The following DEPDC1B variants were observed in gnomAD, a reference collection of about 807,000 sequenced individuals.
The protein encoded by DEPDC1B is DEP domain containing 1B, also known as DEP domain-containing protein 1B.
Under a neutral mutation model 66.5 loss-of-function variants are expected in DEPDC1B, and 51 were observed. That is an observed-to-expected ratio of 0.77 (90% CI 0.61 to 0.97). The LOEUF (loss-of-function observed/expected upper bound fraction) is 0.97. Among genes scored for constraint, DEPDC1B ranks in the 50% least tolerant of loss-of-function variants. The pLI is 0.00. For missense variants in DEPDC1B, 552 were observed against 637.1 expected (o/e 0.87, Z 1.44); for synonymous variants, 226 against 223.6 (o/e 1.01, Z -0.10).
In DEPDC1B at chr5:60,603,365, A is replaced by G. The variant is rs772147818; in HGVS notation, c.1242+26T>C. ...CGTGACTTTATATTGCCAATTTCATAGAACTGATAATATCCTCTCCTTTAC... is the reference window on the plus strand; with the variant it reads ...CGTGACTTTATATTGCCAATTTCATGGAACTGATAATATCCTCTCCTTTAC... On this transcript the variant is annotated intron_variant, in intron 9 of 10. Coordinates refer to ENST00000265036, the MANE Select transcript of DEPDC1B (RefSeq NM_018369.3). 34 of 1,495,366 alleles carry G rather than the reference A, an allele frequency of 2.3e-5. No homozygotes were observed. The East Asian group carries it at 8.1e-4, about 36-fold the overall frequency. The allele number at this position is 1,495,366 out of a possible 1,614,324, so 92.6% of individuals were successfully genotyped here.
chr5:60,625,337 T>C (rs1183975790), intron 7 of DEPDC1B, among the ~76,000 whole-genome samples: 1 of 152,198 alleles, frequency 6.6e-6, no homozygotes, highest in South Asian at 2.1e-4. Flanking sequence ...CCACAATGGC[T>C]GAGCTAATTT....
At chr5:60,647,282 GTT>G in intron 3 of DEPDC1B, 114 bp downstream of exon 3, 2 of 1,313,280 alleles carry the variant, frequency 1.5e-6, no homozygotes, top group Non-Finnish European at 2.0e-6. Flanking sequence ...GTACAATTTT[GTT>G]TTAAAGTACC....
chr5:60,623,644 A>C (rs895563187), intron 7 of DEPDC1B, among the ~76,000 whole-genome samples: 5 of 152,180 alleles, frequency 3.3e-5, no homozygotes, highest in African/African-American at 1.2e-4. Flanking sequence ...CTTTCAGTCC[A>C]TGAACATAGT....
At chr5:60,681,131 C>G (rs547727608) in intron 2 of DEPDC1B, among the ~76,000 whole-genome samples, 1 of 152,184 alleles carries the variant, frequency 6.6e-6, no homozygotes, top group Non-Finnish European at 1.5e-5. Flanking sequence ...CCTTCAATGT[C>G]CATTCCATTA....
At chr5:60,664,935 T>C (rs1381786401) in intron 2 of DEPDC1B, among the ~76,000 whole-genome samples, 1 of 152,174 alleles carries the variant, frequency 6.6e-6, no homozygotes, top group Non-Finnish European at 1.5e-5. Context: ...AAATTATTAT[T>C]GGCTGTACAA....
chr5:60,626,975 T>C (rs1057504259), intron 7 of DEPDC1B, among the ~76,000 whole-genome samples: 5 of 152,128 alleles, frequency 3.3e-5, no homozygotes, highest in African/African-American at 1.2e-4. Context: ...GTTGGGGGTA[T>C]CTATAATACT....
At position 60,673,922 on chromosome 5, in the gene DEPDC1B, TA is replaced by T. The variant is rs755871038; in HGVS notation, c.314+13039del. On this transcript the variant is annotated intron_variant, in intron 2 of 10. Transcript: ENST00000265036. ...GGAGTCCTTTATTCCATTTCCCATTTAAACTCATTTATGCCTCCTGTTCCAT... is the reference window on the plus strand; with the variant it reads ...GGAGTCCTTTATTCCATTTCCCATTTAACTCATTTATGCCTCCTGTTCCAT... Among the ~76,000 whole-genome samples the T allele has an allele frequency of 5.9e-5, 9 of 152,330 alleles. No homozygotes were observed. The Middle Eastern group carries it at 0.01, about 173-fold the overall frequency.
intron 7 of DEPDC1B, among the ~76,000 whole-genome samples, chr5:60,630,200 C>T (rs574043772): frequency 2.6e-5 from 4 of 152,296 alleles, no homozygotes; most frequent in East Asian, 1.9e-4. Flanking sequence ...TAGACAGACT[C>T]GCCATTCCCC....
intron 1 of DEPDC1B, among the ~76,000 whole-genome samples, chr5:60,695,946 G>A (rs1453891604): frequency 2.0e-5 from 3 of 152,106 alleles, no homozygotes. Context: ...TTACAGGCAT[G>A]TGCCACCACA....
At chr5:60,605,214 G>A (rs1752284840) in intron 8 of DEPDC1B, among the ~76,000 whole-genome samples, 1 of 152,120 alleles carries the variant, frequency 6.6e-6, no homozygotes, top group South Asian at 2.1e-4. Context: ...GAGACAGGAG[G>A]ATCAAGTCTT....
intron 7 of DEPDC1B, among the ~76,000 whole-genome samples, chr5:60,609,199 T>A (rs2111730626): frequency 6.6e-6 from 1 of 152,280 alleles, no homozygotes; most frequent in South Asian, 2.1e-4. Context: ...GGAATTTATC[T>A]ACAGAAACCT....
chr5:60,631,066 TGGTCACATAACA>T (rs1400056987), intron 7 of DEPDC1B: 2 of 152,554 alleles, frequency 1.3e-5, no homozygotes, highest in Non-Finnish European at 2.9e-5. Context: ...AATCCACATC[TGGTCACATAACA>T]GAATACACCC....
chr5:60,685,214 C>T (rs1024884691), intron 2 of DEPDC1B, among the ~76,000 whole-genome samples: 1 of 152,094 alleles, frequency 6.6e-6, no homozygotes, highest in African/African-American at 2.4e-5. Flanking sequence ...ATGCAACGGC[C>T]GGCTGTACAC....
chr5:60,615,559 A>G (rs1342966758), intron 7 of DEPDC1B, among the ~76,000 whole-genome samples: 1 of 152,212 alleles, frequency 6.6e-6, no homozygotes, highest in Non-Finnish European at 1.5e-5. Flanking sequence ...CTAGCACAGC[A>G]GTCTGAGATC....
At chr5:60,689,340 G>A (rs1334778785) in intron 1 of DEPDC1B, among the ~76,000 whole-genome samples, 1 of 152,158 alleles carries the variant, frequency 6.6e-6, no homozygotes, top group Non-Finnish European at 1.5e-5. Flanking sequence ...AAATCAGGAA[G>A]CAAATAAATG....
chr5:60,699,181 A>G (rs1301702863), intron 1 of DEPDC1B, among the ~76,000 whole-genome samples: 2 of 152,182 alleles, frequency 1.3e-5, no homozygotes, highest in Non-Finnish European at 2.9e-5. Flanking sequence ...CCATGAGTCT[A>G]GCTGAGTAAG....
chr5:60,644,229 G>C (rs1303438720), intron 5 of DEPDC1B, among the ~76,000 whole-genome samples: 1 of 152,014 alleles, frequency 6.6e-6, no homozygotes. Flanking sequence ...TGGTTCTTTT[G>C]TTTGTTTGTT....
Position 60,599,124 on chromosome 5 carries a change from A to G in DEPDC1B, c.1379T>C (p.Ile460Thr). Residue 460 changes from isoleucine to threonine, a missense_variant, in exon 10 of 11, where the codon ATA (isoleucine) becomes ACA (threonine). Coordinates refer to ENST00000265036, the MANE Select transcript of DEPDC1B (RefSeq NM_018369.3). ...TTTGTTGGAGAGTTTGGCATCTGTTATGACTTCCTCCAACAAGGCTGCCAG... is the reference window on the plus strand; with the variant it reads ...TTTGTTGGAGAGTTTGGCATCTGTTGTGACTTCCTCCAACAAGGCTGCCAG... ...EPLAALLEEV[I>T]TDAKLSNKEK... is the part of the protein sequence containing the mutation. 1 of 1,612,868 alleles carries G rather than the reference A, an allele frequency of 6.2e-7. No individual in the cohort carries two copies. The highest frequency in any genetic ancestry group is 8.5e-7 in the Non-Finnish European group (1 of 1,179,424).
intron 2 of DEPDC1B, among the ~76,000 whole-genome samples, chr5:60,670,101 C>G (rs1753994378): frequency 6.6e-6 from 1 of 152,034 alleles, no homozygotes; most frequent in South Asian, 2.1e-4. Flanking sequence ...ATAAATATAA[C>G]AGGCAGGGCG....
Sources: allele counts gnomAD v4.1 joint callset (sites outside exome capture counted in the v4.1 genomes callset), GRCh38; gene constraint gnomAD v4.1.1; transcripts MANE v1.5; gene names NCBI Gene and HGNC (gene_info 2026-07-23, HGNC 2026-07-21).